Variants in CNOT2 observed in about 807,000 individuals in gnomAD.
CNOT2 encodes CCR4-NOT transcription complex subunit 2.
Under a neutral mutation model 72.1 loss-of-function variants are expected in CNOT2, and 7 were observed. The observed-to-expected ratio is 0.10, with a 90% CI of 0.06 to 0.18. The LOEUF (loss-of-function observed/expected upper bound fraction) is 0.18, where lower values mean the gene tolerates loss of function less well. Ranked by LOEUF, CNOT2 falls within the 10% of genes least tolerant of loss-of-function variation. The pLI is 1.00. For missense variants in CNOT2, 345 were observed against 660.3 expected, an observed-to-expected ratio of 0.52 and a Z score of 5.23; for synonymous variants, 196 against 225.6, an observed-to-expected ratio of 0.87 and a Z score of 1.17.
chr12:70,306,828 G>A (rs1158867430), intron 2 of CNOT2, among the ~76,000 whole-genome samples: 3 of 152,140 alleles, frequency 2.0e-5, no homozygotes, highest in African/African-American at 7.2e-5. Flanking sequence ...TCTGAGAAAT[G>A]CGTCAGGCAC....
chr12:70,251,503 T>C (rs1415172422), intron 1 of CNOT2, among the ~76,000 whole-genome samples: 1 of 152,082 alleles, frequency 6.6e-6, no homozygotes, highest in Non-Finnish European at 1.5e-5. Flanking sequence ...CAGTATGAGG[T>C]CTTATCTTTT....
At chr12:70,338,296 A>G (rs937187525) in intron 9 of CNOT2, 147 bp from the exon 10 acceptor site, 9 of 643,462 alleles carry the variant, frequency 1.4e-5, no homozygotes, top group Non-Finnish European at 2.3e-5. Context: ...AATGATGGAA[A>G]CAATTTTCTA....
At chr12:70,283,155 T>TTC (rs763803501) in intron 2 of CNOT2, among the ~76,000 whole-genome samples, 34 of 152,318 alleles carry the variant, frequency 2.2e-4, no homozygotes, top group Non-Finnish European at 3.8e-4. Flanking sequence ...TTGAACATGT[T>TTC]TCTCTCTCTG....
intron 1 of CNOT2, chr12:70,243,971 C>A (rs1957727493): frequency 6.6e-6 from 1 of 152,324 alleles, no homozygotes; most frequent in Admixed American, 6.5e-5. Context: ...GCCTTCCCGG[C>A]AGCTGGTGCT....
chr12:70,245,196 T>A lies in CNOT2; in HGVS notation c.-96+1716T>A, dbSNP rs544713736. On this transcript the variant is annotated intron_variant, in intron 1 of 15. Transcript: ENST00000229195. ...GGACCAAGATAATTAGTAAGCTCTG[T>A]ATGTTGAATTTGTTTAGTTTGTAGT... is the stretch of plus-strand genomic sequence containing the variant. Among the ~76,000 whole-genome samples the A allele has an allele frequency of 2.6e-5, 4 of 152,234 alleles. No homozygotes were observed. In the South Asian group the frequency reaches 8.3e-4, roughly 32 times the overall value.
chr12:70,262,887 G>T (rs931673216), intron 1 of CNOT2, among the ~76,000 whole-genome samples: 27 of 152,044 alleles, frequency 1.8e-4, no homozygotes, highest in Admixed American at 4.6e-4. Context: ...TGGCCAGGCT[G>T]GTCTTGAATT....
rs1164748821 is a variant in CNOT2 at position 70,322,672 on chromosome 12, C to A, written c.238+3308C>A. The A allele has an allele frequency of 2.6e-5, 4 of 151,820 alleles. No individual in the cohort carries two copies. In the South Asian group the frequency reaches 8.3e-4, roughly 31 times the overall value. The allele number at this position is 151,820 out of a possible 1,614,324, so 9.4% of individuals were successfully genotyped here. A position where few individuals can be genotyped will look rare whatever the true frequency, so the allele number is the denominator to read the frequency against. The stretch of plus-strand genomic sequence containing the variant: ...AAGTTCTGGACTCCTAGCTTGAGAA[C>A]AATGACATAGTCTCATGCTTCCAGC... On this transcript the variant is annotated intron_variant, in intron 4 of 15. Coordinates refer to ENST00000229195, the MANE Select transcript of CNOT2 (RefSeq NM_014515.7).
At chr12:70,345,617 T>C (rs57922961) in intron 14 of CNOT2, 10,057 of 152,304 alleles carry the variant, frequency 0.066, 464 homozygotes, top group East Asian at 0.14. Flanking sequence ...TGAATTGTAA[T>C]GGATTTTCTC....
intron 1 of CNOT2, among the ~76,000 whole-genome samples, chr12:70,250,470 T>G (rs1958088470): frequency 6.6e-6 from 1 of 152,080 alleles, no homozygotes; most frequent in Admixed American, 6.5e-5. Flanking sequence ...ACATTGTTAT[T>G]GGATATATGA....
intron 2 of CNOT2, among the ~76,000 whole-genome samples, chr12:70,300,911 A>G: frequency 6.6e-6 from 1 of 152,138 alleles, no homozygotes; most frequent in Non-Finnish European, 1.5e-5. Flanking sequence ...AGTGGTTTGT[A>G]GTTCTCCTTG....
chr12:70,338,844 A>G, intron 11 of CNOT2, 22 bp downstream of exon 11: 1 of 1,602,266 alleles, frequency 6.2e-7, no homozygotes, highest in Non-Finnish European at 8.5e-7. Context: ...CTGTTTTTCC[A>G]TGTCTGTATA....
At chr12:70,324,798 A>G (rs1330593642) in intron 4 of CNOT2, among the ~76,000 whole-genome samples, 2 of 151,888 alleles carry the variant, frequency 1.3e-5, no homozygotes, top group African/African-American at 2.4e-5. Flanking sequence ...CGCCAGGTGT[A>G]TAACTTGTCC....
chr12:70,297,372 A>G (rs1275484560), intron 2 of CNOT2, among the ~76,000 whole-genome samples: 1 of 152,106 alleles, frequency 6.6e-6, no homozygotes, highest in African/African-American at 2.4e-5. Flanking sequence ...AAAATTTGTT[A>G]CTCAGTATGA....
chr12:70,271,684 T>A (rs1447661378), intron 1 of CNOT2, among the ~76,000 whole-genome samples: 1 of 152,116 alleles, frequency 6.6e-6, no homozygotes, highest in Non-Finnish European at 1.5e-5. Flanking sequence ...GCATTTACTC[T>A]TGAACCATGT....
chr12:70,283,405 A>G (rs376539779), intron 2 of CNOT2, among the ~76,000 whole-genome samples: 200 of 149,622 alleles, frequency 1.3e-3, no homozygotes, highest in African/African-American at 4.5e-3. Flanking sequence ...GGCTGCAGTG[A>G]GCTATCATCA....
chr12:70,264,159 G>A (rs1322236443), intron 1 of CNOT2, among the ~76,000 whole-genome samples: 1 of 152,144 alleles, frequency 6.6e-6, no homozygotes, highest in Non-Finnish European at 1.5e-5. Flanking sequence ...CTTTGTAGGG[G>A]CATTTTTTTG....
intron 1 of CNOT2, among the ~76,000 whole-genome samples, chr12:70,254,137 C>T (rs1350610684): frequency 6.6e-6 from 1 of 150,772 alleles, no homozygotes; most frequent in East Asian, 2.0e-4. Context: ...ACTCAGGAGG[C>T]GGAGGCAGGA....
chr12:70,286,723 A>C (rs918251362), intron 2 of CNOT2, among the ~76,000 whole-genome samples: 12 of 149,450 alleles, frequency 8.0e-5, no homozygotes, highest in African/African-American at 2.9e-4. Context: ...CTCTGTGACA[A>C]ATTTAGAATA....
chr12:70,263,050 A>G (rs1292879789), intron 1 of CNOT2, among the ~76,000 whole-genome samples: 1 of 152,148 alleles, frequency 6.6e-6, no homozygotes, highest in Non-Finnish European at 1.5e-5. Context: ...TGTTTTGAAT[A>G]TGTCATCCTA....
Sources: gnomAD v4.1 joint callset for allele counts (sites outside exome capture counted in the v4.1 genomes callset) on GRCh38, gnomAD v4.1.1 for gene constraint, MANE v1.5 for transcripts, NCBI Gene and HGNC (gene_info 2026-07-23, HGNC 2026-07-21) for gene names.